The following GREB1 variants were observed in gnomAD, a reference collection of about 807,000 sequenced individuals.
GREB1 encodes the protein growth regulating estrogen receptor binding 1.
In GREB1, 106 loss-of-function variants were observed where a neutral mutation model predicts 200.7. The observed-to-expected ratio is 0.53, with a 90% confidence interval of 0.45 to 0.62. The LOEUF (loss-of-function observed/expected upper bound fraction) is 0.62. Ranked by LOEUF, GREB1 falls within the 20% of genes least tolerant of loss-of-function variation. The pLI, the probability that GREB1 is intolerant of heterozygous loss-of-function variation, is 0.00. For missense variants in GREB1, 2,243 were observed against 2,556.8 expected, an observed-to-expected ratio of 0.88 and a Z score of 2.65; for synonymous variants, 1,132 against 1,092.4, an observed-to-expected ratio of 1.04 and a Z score of -0.72.
At chr2:11,489,488 A>G (rs1672733604) in intron 1 of GREB1, among the ~76,000 whole-genome samples, 1 of 152,130 alleles carries the variant, frequency 6.6e-6, no homozygotes, top group African/African-American at 2.4e-5. Context: ...AAAGAATGCT[A>G]CTTTGAAGTC....
chr2:11,616,710 C>T lies in GREB1; in HGVS notation c.3402C>T (p.Ser1134=). The T allele has an allele frequency of 6.2e-7, 1 of 1,605,994 alleles. No homozygotes were observed. Among genetic ancestry groups the T allele is most frequent in the South Asian group, 1.1e-5 (1 of 90,928 alleles). The change falls in exon 21 of 33, where the codon TCC becomes TCT. Residue 1134 remains serine, a synonymous_variant. Coordinates refer to ENST00000381486, the MANE Select transcript of GREB1 (RefSeq NM_014668.4). ...SHDSASSSLS[S]KASGSALGGE... ...ACTCAGCATCCTCATCCCTCTCCTC[C>T]AAGGCTTCCGGTGAGTCTTCCCACA...
Position 11,580,984 on chromosome 2 carries a change from T to TTGGCACATACG in GREB1, c.901+152_901+153insTGGCACATACG. The TTGGCACATACG allele has an allele frequency of 1.1e-6, 1 of 931,670 alleles. No homozygotes were observed. The highest frequency in any genetic ancestry group is 1.7e-6 in the Non-Finnish European group (1 of 579,746). 57.7% of individuals were successfully genotyped at this position (931,670 alleles called of 1,614,324 possible). ...TCAGGCCAGGACCACAGGTGCCTCC[T>TTGGCACATACG]GAGTCCGTGGGTCTGGGCCCAGGCC... On this transcript the variant is annotated intron_variant, in intron 7 of 32. Transcript: ENST00000381486. This position sits in a 1 kb window ranked among gnomAD's most constrained non-coding sequence, Gnocchi z 4.5.
Position 11,578,379 on chromosome 2 carries a change from C to A in GREB1, c.720C>A (p.Ser240Arg). 1 of 1,614,046 alleles carries A rather than the reference C, an allele frequency of 6.2e-7. No individual in the cohort carries two copies. The highest frequency in any genetic ancestry group is 8.5e-7 in the Non-Finnish European group (1 of 1,180,018). ...TGGAGAGCACGGCTGCCTTCCCCAG[C>A]GAGCCCGTTCCTGGGACGAACCCCA... ...PALESTAAFP[S>R]EPVPGTNPSI... The change falls in exon 6 of 33, where the codon AGC becomes AGA. Residue 240 changes from serine (S) to arginine (R), a missense_variant. Ser to Arg is a moderately radical substitution (Grantham distance 110, BLOSUM62 -1). This residue lies in a region of GREB1 where 1,178 missense variants were observed against 1,387.4 expected (regional missense o/e 0.85). Transcript: ENST00000381486.
intron 2 of GREB1, among the ~76,000 whole-genome samples, chr2:11,559,814 G>T (rs1041523047): frequency 2.6e-5 from 4 of 152,208 alleles, no homozygotes; most frequent in African/African-American, 9.6e-5. Context: ...GCAGGCTCAA[G>T]AGTGTGTCTC....
intron 9 of GREB1, chr2:11,587,558 G>A (rs2148136980): frequency 6.6e-7 from 1 of 1,526,584 alleles, no homozygotes; most frequent in Non-Finnish European, 8.9e-7. Context: ...TTGAGAAGCA[G>A]TGTCTTTGAG....
chr2:11,631,408 A>T (rs1684864829), intron 26 of GREB1, among the ~76,000 whole-genome samples: 1 of 152,230 alleles, frequency 6.6e-6, no homozygotes, highest in African/African-American at 2.4e-5. Flanking sequence ...CTAATATGAG[A>T]GGGTAATGAA....
Position 11,493,612 on chromosome 2 carries a change from C to A in GREB1, c.-159+11231C>A, listed in dbSNP as rs76794357. On this transcript the variant is annotated intron_variant, in intron 1 of 2. Coordinates refer to the GREB1 transcript ENST00000628795. The surrounding 1 kb of genome is among the most constrained non-coding windows in gnomAD (Gnocchi z 4.6). The stretch of plus-strand genomic sequence containing the variant: ...CCCGGGGACTGGGGACCCCTGAATT[C>A]GCCTATGTAAAATTGGTTTCCTTAT... 0.034 allele frequency among the ~76,000 whole-genome samples: 5,209 copies of A among 152,234 alleles called. 303 individuals are homozygous for A. The highest frequency in any genetic ancestry group is 0.11 in the African/African-American group (4,696 of 41,504).
At position 11,627,034 on chromosome 2, in the gene GREB1, A is replaced by G. The variant is rs750682195; in HGVS notation, c.4379A>G (p.Tyr1460Cys). Residue 1460 changes from tyrosine to cysteine, a missense_variant, in exon 25 of 33, where the codon TAC becomes TGC. By Grantham distance (194) the Tyr-to-Cys change is radical. This residue lies in a region of GREB1 where 587 missense variants were observed against 553.1 expected (regional missense o/e 1.06). Coordinates refer to ENST00000381486, the MANE Select transcript of GREB1 (RefSeq NM_014668.4). ...ACGGCACGGATGAGACTGTCCAAGT[A>G]CGCAGCGTACAACACTTACCACCAC... is the stretch of plus-strand genomic sequence containing the variant. ...RQTARMRLSK[Y>C]AAYNTYHHCE... is the part of the protein sequence containing the mutation. 18 of 1,614,116 alleles carry G rather than the reference A, an allele frequency of 1.1e-5. No individual in the cohort carries two copies. The highest frequency in any genetic ancestry group is 1.4e-5 in the Non-Finnish European group (16 of 1,179,948).
At chr2:11,485,000 C>A (rs1672620523) in intron 1 of GREB1, among the ~76,000 whole-genome samples, 1 of 152,144 alleles carries the variant, frequency 6.6e-6, no homozygotes, top group Admixed American at 6.5e-5. Flanking sequence ...CCACGGCGCC[C>A]GGTTATTTTT....
At chr2:11,621,801 C>A (rs1242105714) in intron 23 of GREB1, among the ~76,000 whole-genome samples, 1 of 152,174 alleles carries the variant, frequency 6.6e-6, no homozygotes, top group Non-Finnish European at 1.5e-5. Flanking sequence ...CAAGGAAGCC[C>A]ATCCAGCCCT....
At chr2:11,504,378 C>T (rs1393964151) in intron 1 of GREB1, among the ~76,000 whole-genome samples, 1 of 152,170 alleles carries the variant, frequency 6.6e-6, no homozygotes, top group Non-Finnish European at 1.5e-5. Flanking sequence ...GGATGAGGGT[C>T]TTCAAAGCGA....
chr2:11,515,444 A>G (rs1224825665), intron 1 of GREB1, among the ~76,000 whole-genome samples: 1 of 152,258 alleles, frequency 6.6e-6, no homozygotes, highest in Non-Finnish European at 1.5e-5. Context: ...GTTTTTTAAA[A>G]GTCTTGAATA....
chr2:11,633,520 C>T lies in GREB1; in HGVS notation c.4991+457C>T, dbSNP rs1361250093. ...CGGAGCTTGTAGTAAGTGGAGATGG[C>T]GCCACTGCACTCCAGCCTGGCAGAC... On this transcript the variant is annotated intron_variant, in intron 28 of 32. Coordinates refer to ENST00000381486, the MANE Select transcript of GREB1 (RefSeq NM_014668.4). The surrounding 1 kb of genome is among the most constrained non-coding windows in gnomAD (Gnocchi z 4.1). Among the ~76,000 whole-genome samples, 8 of 149,734 alleles carry T rather than the reference C, an allele frequency of 5.3e-5. No homozygotes were observed. The highest frequency in any genetic ancestry group is 8.9e-5 in the Non-Finnish European group (6 of 67,740).
At chr2:11,623,293 T>C (rs560814345) in intron 23 of GREB1, among the ~76,000 whole-genome samples, 41 of 152,378 alleles carry the variant, frequency 2.7e-4, no homozygotes, top group African/African-American at 9.6e-4. Flanking sequence ...GTACAACACA[T>C]AGCACTTGAT....
intron 10 of GREB1, chr2:11,591,283 C>T (rs911714368): frequency 3.6e-5 from 25 of 691,356 alleles, no homozygotes; most frequent in African/African-American, 2.3e-4. Flanking sequence ...TCATGAACCC[C>T]GTGTTATGCA....
chr2:11,606,798 A>C (rs1312011349), intron 17 of GREB1, among the ~76,000 whole-genome samples: 1 of 131,354 alleles, frequency 7.6e-6, no homozygotes, highest in Admixed American at 8.1e-5. Flanking sequence ...TATTATTATT[A>C]TTTGAGACGG....
chr2:11,552,749 C>T (rs182069546), intron 1 of GREB1, among the ~76,000 whole-genome samples: 100 of 152,252 alleles, frequency 6.6e-4, no homozygotes, highest in Non-Finnish European at 1.1e-3. Context: ...CGGTGGCTCA[C>T]GCCTGTAATC....
At chr2:11,494,955 G>A (rs1294195676) in intron 1 of GREB1, among the ~76,000 whole-genome samples, 2 of 152,142 alleles carry the variant, frequency 1.3e-5, no homozygotes, top group Admixed American at 1.3e-4. Context: ...GCTCACCGTT[G>A]GTGGTGTTCA....
upstream of GREB1, among the ~76,000 whole-genome samples, chr2:11,530,315 G>A (rs1446950528): frequency 6.6e-6 from 1 of 151,778 alleles, no homozygotes; most frequent in Non-Finnish European, 1.5e-5. Context: ...ACCCACTTTG[G>A]CCTCCCAAAG....
Sources: allele counts gnomAD v4.1 joint callset (sites outside exome capture counted in the v4.1 genomes callset), GRCh38; gene constraint gnomAD v4.1.1; regional missense constraint gnomAD v4.1.1; non-coding constraint Gnocchi (gnomAD v3.1); transcripts MANE v1.5; gene names NCBI Gene and HGNC (gene_info 2026-07-23, HGNC 2026-07-21).